The following NBN variants were observed in gnomAD, a reference collection of about 807,000 sequenced individuals.
NBN encodes the protein Nijmegen breakage syndrome 1 (nibrin).
In NBN, 88 loss-of-function variants were observed where a neutral mutation model predicts 90.8. The ratio of observed to expected loss-of-function variants is 0.97; its 90% CI spans 0.82 to 1.16. The LOEUF is 1.16. NBN is among the 50% of genes most tolerant of loss of function. The pLI is 0.00. For missense variants in NBN, 894 were observed against 869.6 expected, an observed-to-expected ratio of 1.03 and a Z score of -0.35; for synonymous variants, 328 against 295.1, an observed-to-expected ratio of 1.11 and a Z score of -1.14.
chr8:89,960,017 G>T (rs1810918889), intron 8 of NBN, among the ~76,000 whole-genome samples: 1 of 152,078 alleles, frequency 6.6e-6, no homozygotes, highest in Admixed American at 6.6e-5. Flanking sequence ...TGAGAATAAG[G>T]ACTAAGTCTT....
intron 12 of NBN, among the ~76,000 whole-genome samples, chr8:89,947,111 CATT>C (rs1375815041): frequency 6.6e-6 from 1 of 152,106 alleles, no homozygotes; most frequent in East Asian, 1.9e-4. Context: ...GTAATCAGCA[CATT>C]ATTAAGAACA....
At chr8:89,955,660 A>G in intron 9 of NBN, 105 bp from the exon 10 acceptor site, 12 of 1,292,992 alleles carry the variant, frequency 9.3e-6, no homozygotes, top group Non-Finnish European at 1.2e-5. Flanking sequence ...ACCTTAGAAG[A>G]TAATTTTTAG....
At chr8:89,940,781 AAAG>A (rs2130748911) in intron 14 of NBN, among the ~76,000 whole-genome samples, 1 of 152,334 alleles carries the variant, frequency 6.6e-6, no homozygotes, top group African/African-American at 2.4e-5. Flanking sequence ...TGAAATGAAA[AAAG>A]AACAAATGCT....
intron 1 of NBN, among the ~76,000 whole-genome samples, chr8:89,983,727 G>A (rs1336405427): frequency 6.6e-6 from 1 of 152,174 alleles, no homozygotes; most frequent in Non-Finnish European, 1.5e-5. Context: ...AGTTGAGTCT[G>A]GGAGCATAAT....
At chr8:89,943,406 A>C (rs772795606) in intron 13 of NBN, 40 bp from the exon 14 acceptor site, 1 of 1,576,410 alleles carries the variant, frequency 6.3e-7, no homozygotes, top group South Asian at 1.1e-5. Context: ...TCATATTAAC[A>C]AACAAAAATG....
At chr8:89,952,561 C>T (rs1810490766) in intron 11 of NBN, among the ~76,000 whole-genome samples, 1 of 147,036 alleles carries the variant, frequency 6.8e-6, no homozygotes, top group Non-Finnish European at 1.5e-5. Flanking sequence ...CTTCCGTTCA[C>T]TTAATCCTAT....
intron 4 of NBN, 176 bp from the exon 5 acceptor site, chr8:89,978,499 G>A (rs1811883738): frequency 6.1e-6 from 1 of 163,394 alleles, no homozygotes; most frequent in South Asian, 2.0e-4. Flanking sequence ...TCGGTCTTTG[G>A]TCACTGCATT....
At chr8:89,945,139 TAAA>T (rs1286176761) in intron 13 of NBN, among the ~76,000 whole-genome samples, 1 of 152,126 alleles carries the variant, frequency 6.6e-6, no homozygotes, top group Non-Finnish European at 1.5e-5. Flanking sequence ...TGTAAAACTA[TAAA>T]AAAAGTCTTT....
chr8:89,946,673 G>T, intron 12 of NBN: 1 of 239,224 alleles, frequency 4.2e-6, no homozygotes, highest in Non-Finnish European at 8.2e-6. Flanking sequence ...ATTGTACACT[G>T]AGATTATAAT....
intron 8 of NBN, among the ~76,000 whole-genome samples, chr8:89,962,903 G>A (rs1243570601): frequency 6.6e-6 from 1 of 152,110 alleles, no homozygotes; most frequent in East Asian, 1.9e-4. Context: ...TAAAATATAA[G>A]CCATTTGTAC....
intron 7 of NBN, among the ~76,000 whole-genome samples, chr8:89,970,110 G>A (rs535058234): frequency 6.4e-4 from 97 of 152,062 alleles, no homozygotes; most frequent in Non-Finnish European, 1.2e-3. Context: ...TTAGCTGGGT[G>A]TGGTGGTGGG....
intron 10 of NBN, among the ~76,000 whole-genome samples, chr8:89,954,278 T>C (rs540140977): frequency 1.3e-5 from 2 of 152,308 alleles, no homozygotes; most frequent in South Asian, 4.1e-4. Context: ...CCTGGGACTC[T>C]GTTCTCCAGG....
intron 2 of NBN, 149 bp from the exon 3 acceptor site, chr8:89,981,672 A>C: frequency 1.3e-6 from 1 of 774,918 alleles, no homozygotes; most frequent in African/African-American, 1.7e-5. Context: ...CTTGAGAGGA[A>C]GATCACTCAA....
At chr8:89,975,783 G>GAA (rs1482065398) in intron 5 of NBN, among the ~76,000 whole-genome samples, 9 of 152,196 alleles carry the variant, frequency 5.9e-5, no homozygotes, top group African/African-American at 1.9e-4. Context: ...CCAAGACCAT[G>GAA]AAATATATCT....
intron 2 of NBN, chr8:89,981,763 T>C (rs1586109688): frequency 1.9e-6 from 1 of 537,186 alleles, no homozygotes; most frequent in South Asian, 2.1e-5. Flanking sequence ...TTTATTTGTG[T>C]AAGTCAGTGG....
At chr8:89,962,731 A>T (rs1351655895) in intron 8 of NBN, among the ~76,000 whole-genome samples, 1 of 152,158 alleles carries the variant, frequency 6.6e-6, no homozygotes, top group African/African-American at 2.4e-5. Flanking sequence ...TACAGACACA[A>T]ACATATGTAG....
At chr8:89,974,522 C>T (rs1461948618) in intron 5 of NBN, among the ~76,000 whole-genome samples, 1 of 152,090 alleles carries the variant, frequency 6.6e-6, no homozygotes, top group East Asian at 1.9e-4. Context: ...TTCATGGATG[C>T]TGGCAGAAGA....
intron 11 of NBN, among the ~76,000 whole-genome samples, chr8:89,951,106 A>C (rs1375586220): frequency 6.6e-6 from 1 of 151,914 alleles, no homozygotes; most frequent in African/African-American, 2.4e-5. Flanking sequence ...AGGTCAGGAG[A>C]TTGAGATCAT....
rs786202302 is a variant in NBN at position 89,955,398 on chromosome 8, T to C, written c.1282A>G (p.Asn428Asp). ...AATTTAGTTGGTGAAAGCTGATAGT[T>C]TGGGATTCTCATCTTAGCCAAAGTA... is the stretch of plus-strand genomic sequence containing the variant. The part of the protein sequence containing the change: ...SNTLAKMRIP[N>D]YQLSPTKLPS... Residue 428 changes from asparagine to aspartate, a missense_variant, in exon 10 of 16, where the codon AAC (asparagine) becomes GAC (aspartate). By Grantham distance (23) the Asn-to-Asp change is conservative. Coordinates refer to ENST00000265433, the MANE Select transcript of NBN (RefSeq NM_002485.5). The C allele has an allele frequency of 6.2e-6, 10 of 1,613,924 alleles. 1 individual carries two copies. The highest frequency in any genetic ancestry group is 4.0e-5 in the African/African-American group (3 of 75,030).
Sources: gnomAD v4.1 joint callset for allele counts (sites outside exome capture counted in the v4.1 genomes callset) on GRCh38, gnomAD v4.1.1 for gene constraint, MANE v1.5 for transcripts, NCBI Gene and HGNC (gene_info 2026-07-23, HGNC 2026-07-21) for gene names.